Variants in ALMS1 observed in about 807,000 individuals in gnomAD.
ALMS1 encodes centrosome-associated protein ALMS1.
A neutral mutation model predicts 352.2 loss-of-function variants in ALMS1; 271 were observed. The ratio of observed to expected loss-of-function variants is 0.77; its 90% confidence interval spans 0.70 to 0.85. The LOEUF (loss-of-function observed/expected upper bound fraction) is 0.85, where lower values mean the gene tolerates loss of function less well. Among genes scored for constraint, ALMS1 ranks in the 40% least tolerant of loss-of-function variants. The pLI, the probability that ALMS1 is intolerant of heterozygous loss-of-function variation, is 0.00. For missense variants in ALMS1, 5,445 were observed against 4,870.7 expected (o/e 1.12, Z -3.51); for synonymous variants, 1,865 against 1,761.2 (o/e 1.06, Z -1.48).
chr2:73,498,873 A>G (rs879614940), intron 10 of ALMS1, among the ~76,000 whole-genome samples: 3 of 152,200 alleles, frequency 2.0e-5, no homozygotes, highest in East Asian at 3.8e-4. Flanking sequence ...TGCAACAAAC[A>G]TGGGATTGCA....
chr2:73,486,913 G>A (rs116024448), intron 9 of ALMS1, among the ~76,000 whole-genome samples: 1,715 of 152,238 alleles, frequency 0.011, 33 homozygotes, highest in African/African-American at 0.038. Flanking sequence ...AAATTAGCCC[G>A]GTGTAGTGGC....
In ALMS1 at chr2:73,450,690, C is replaced by T. The variant is rs377354387; in HGVS notation, c.4163C>T (p.Pro1388Leu). ...TCTTACTCACAACATACAGAGAAGCCGAGTATTTTCTACCAACAGTCGTTG... is the reference window on the plus strand; with the variant it reads ...TCTTACTCACAACATACAGAGAAGCTGAGTATTTTCTACCAACAGTCGTTG... ...STSYSQHTEKPSIFYQQSLPG... is the reference protein window; with the variant it reads ...STSYSQHTEKLSIFYQQSLPG... Residue 1388 changes from proline to leucine, a missense_variant, in exon 8 of 23, where the codon CCG (proline) becomes CTG (leucine). Coordinates refer to ENST00000613296, the MANE Select transcript of ALMS1 (RefSeq NM_001378454.1). 2.3e-5 allele frequency: 37 copies of T among 1,612,744 alleles called. No individual in the cohort carries two copies. Among genetic ancestry groups the T allele is most frequent in the South Asian group, 7.7e-5 (7 of 91,032 alleles).
rs13422480 is a variant in ALMS1, at chr2:73,422,777, A to G, written c.647-80A>G. ...GAATTCTCCATATGGCAGCATATGTAGGTGCTTTAAAGTATTATATACGTA... is the reference window on the plus strand; with the variant it reads ...GAATTCTCCATATGGCAGCATATGTGGGTGCTTTAAAGTATTATATACGTA... On this transcript the variant is annotated intron_variant, in intron 3 of 22. Transcript: ENST00000613296. 9,241 of 1,103,604 alleles carry G rather than the reference A, an allele frequency of 8.4e-3. 525 individuals carry two copies. In the African/African-American group the frequency reaches 0.12, roughly 15 times the overall value. 68.4% of individuals were successfully genotyped at this position (1,103,604 alleles called of 1,614,324 possible). A position where few individuals can be genotyped will look rare whatever the true frequency, so the allele number is the denominator to read the frequency against.
chr2:73,571,032 C>T (rs996157102), intron 15 of ALMS1, among the ~76,000 whole-genome samples: 4 of 152,184 alleles, frequency 2.6e-5, no homozygotes, highest in Non-Finnish European at 4.4e-5. Flanking sequence ...TTGTTCAGTG[C>T]AGAAGCTGCA....
intron 12 of ALMS1, among the ~76,000 whole-genome samples, chr2:73,543,012 G>A (rs1228543498): frequency 6.6e-6 from 1 of 151,968 alleles, no homozygotes; most frequent in Admixed American, 6.6e-5. Flanking sequence ...TGGAAAAAAC[G>A]ACTTTTAAAG....
chr2:73,401,395 T>A (rs546669558), intron 1 of ALMS1, among the ~76,000 whole-genome samples: 49 of 152,340 alleles, frequency 3.2e-4, no homozygotes, highest in Middle Eastern at 3.4e-3. Context: ...CTACTTTTGC[T>A]GCATCACAAA....
intron 15 of ALMS1, among the ~76,000 whole-genome samples, chr2:73,565,476 CTG>C (rs1214076350): frequency 6.6e-6 from 1 of 152,172 alleles, no homozygotes; most frequent in Non-Finnish European, 1.5e-5. Context: ...AATGACAAAT[CTG>C]TGCAGAATTC....
chr2:73,403,936 G>A (rs911518899), intron 1 of ALMS1, among the ~76,000 whole-genome samples: 1 of 152,152 alleles, frequency 6.6e-6, no homozygotes, highest in African/African-American at 2.4e-5. Context: ...GTCTCACTCT[G>A]TTGCCCAGGG....
chr2:73,392,362 C>T (rs1670668783), intron 1 of ALMS1, among the ~76,000 whole-genome samples: 1 of 150,924 alleles, frequency 6.6e-6, no homozygotes, highest in East Asian at 1.9e-4. Flanking sequence ...TTTGAGATAT[C>T]ATTCATATAC....
At chr2:73,567,292 G>C (rs1218372033) in intron 15 of ALMS1, among the ~76,000 whole-genome samples, 1 of 152,138 alleles carries the variant, frequency 6.6e-6, no homozygotes, top group Non-Finnish European at 1.5e-5. Flanking sequence ...GAAGTGACTT[G>C]TTTTGAATAA....
At chr2:73,538,471 G>A (rs192671799) in intron 12 of ALMS1, among the ~76,000 whole-genome samples, 6 of 152,134 alleles carry the variant, frequency 3.9e-5, no homozygotes, top group Admixed American at 1.3e-4. Context: ...TGCAGAAAAC[G>A]AATGATTTCT....
chr2:73,475,195 C>T (rs1572957111), intron 9 of ALMS1, among the ~76,000 whole-genome samples: 1 of 152,036 alleles, frequency 6.6e-6, no homozygotes, highest in African/African-American at 2.4e-5. Context: ...CTGCTATGAA[C>T]ATAGTGTTTA....
At chr2:73,546,523 G>T (rs1674324098) in intron 12 of ALMS1, among the ~76,000 whole-genome samples, 1 of 152,188 alleles carries the variant, frequency 6.6e-6, no homozygotes, top group South Asian at 2.1e-4. Context: ...CACGTTGGTT[G>T]ACAGATATTA....
chr2:73,580,586 TCTC>T (rs986557638), intron 16 of ALMS1, among the ~76,000 whole-genome samples: 3 of 152,220 alleles, frequency 2.0e-5, no homozygotes, highest in African/African-American at 7.2e-5. Context: ...TATTTATTTC[TCTC>T]CTCTAACCCA....
rs769471024 is a variant in ALMS1 at position 73,600,711 on chromosome 2, A to G, written c.11702A>G (p.His3901Arg). 13 of 1,614,098 alleles carry G rather than the reference A, an allele frequency of 8.1e-6. No homozygotes were observed. The highest frequency in any genetic ancestry group is 6.6e-5 in the South Asian group (6 of 91,054). ...GAGATTGTGAACGGTGCCAAAAAAC[A>G]CACTCGAGATGTTGGGATAACTTTC... ...NLEIVNGAKK[H>R]TRDVGITFPT... Residue 3901 changes from histidine to arginine, a missense_variant, in exon 18 of 23, where the codon CAC becomes CGC. Coordinates refer to ENST00000613296, the MANE Select transcript of ALMS1 (RefSeq NM_001378454.1).
intron 1 of ALMS1, among the ~76,000 whole-genome samples, chr2:73,388,797 T>A (rs1396586618): frequency 6.6e-6 from 1 of 152,168 alleles, no homozygotes; most frequent in Non-Finnish European, 1.5e-5. Context: ...GAGCACAGAT[T>A]TTTTTCTTTT....
chr2:73,494,946 A>T (rs1431824847), intron 10 of ALMS1, among the ~76,000 whole-genome samples: 1 of 151,920 alleles, frequency 6.6e-6, no homozygotes, highest in Non-Finnish European at 1.5e-5. Context: ...CTGGTGTTTT[A>T]ATTTTTTTAT....
In ALMS1 at chr2:73,452,888, G is replaced by C. The variant is rs200368564; in HGVS notation, c.6361G>C (p.Val2121Leu). ...TCATGTAACTGAAGATGTGCTGAAG[G>C]TTTCAACAATTCCTGGACCAGCTGG... ...GSHVTEDVLKVSTIPGPAGQK... is the reference protein window; with the variant it reads ...GSHVTEDVLKLSTIPGPAGQK... Residue 2121 changes from valine to leucine, a missense_variant, in exon 8 of 23, where the codon GTT (valine) becomes CTT (leucine). Physicochemically the swap from Val to Leu is conservative, Grantham distance 32. Coordinates refer to ENST00000613296, the MANE Select transcript of ALMS1 (RefSeq NM_001378454.1). 223 of 1,613,600 alleles carry C rather than the reference G, an allele frequency of 1.4e-4. No individual in the cohort carries two copies. Among genetic ancestry groups the C allele is most frequent in the Non-Finnish European group, 1.8e-4 (211 of 1,179,944 alleles).
chr2:73,559,329 G>T (rs1370569880), intron 15 of ALMS1, among the ~76,000 whole-genome samples, 187 bp downstream of exon 15: 1 of 146,082 alleles, frequency 6.8e-6, no homozygotes, highest in Non-Finnish European at 1.5e-5. Flanking sequence ...TATATATATA[G>T]ATTTCCAAAA....
Sources: allele counts gnomAD v4.1 joint callset (sites outside exome capture counted in the v4.1 genomes callset), GRCh38; gene constraint gnomAD v4.1.1; transcripts MANE v1.5; gene names NCBI Gene and HGNC (gene_info 2026-07-23, HGNC 2026-07-21).